PDE4D: variants seen among roughly 807,000 people sequenced by gnomAD.
PDE4D encodes the protein phosphodiesterase 4D, also known as 3',5'-cyclic-AMP phosphodiesterase 4D.
Under a neutral mutation model 87.4 loss-of-function variants are expected in PDE4D, and 24 were observed. The observed-to-expected ratio is 0.27, with a 90% CI of 0.20 to 0.39. The LOEUF (loss-of-function observed/expected upper bound fraction) is 0.39. Ranked by LOEUF, PDE4D falls within the 10% of genes least tolerant of loss-of-function variation. The pLI is 1.00. For missense variants in PDE4D, 714 were observed against 1,041.0 expected, an observed-to-expected ratio of 0.69 and a Z score of 4.32; for synonymous variants, 384 against 383.2, an observed-to-expected ratio of 1.00 and a Z score of -0.02.
intron 2 of PDE4D, among the ~76,000 whole-genome samples, chr5:60,061,737 T>C (rs551879847): frequency 6.6e-6 from 1 of 151,942 alleles, no homozygotes; most frequent in Non-Finnish European, 1.5e-5. Flanking sequence ...CAGACACATA[T>C]ACCAATGGAA....
chr5:59,508,004 CT>C (rs1246047047), intron 1 of PDE4D, among the ~76,000 whole-genome samples: 1 of 152,198 alleles, frequency 6.6e-6, no homozygotes, highest in Non-Finnish European at 1.5e-5. Flanking sequence ...TAAAATTATA[CT>C]GGATGATTGC....
At chr5:59,850,033 T>C (rs549436804) in intron 1 of PDE4D, among the ~76,000 whole-genome samples, 1 of 152,096 alleles carries the variant, frequency 6.6e-6, no homozygotes, top group Non-Finnish European at 1.5e-5. Context: ...ACTATATCCA[T>C]ACTAGAGATT....
At chr5:59,668,867 G>GAAGAAGAAA in intron 1 of PDE4D, among the ~76,000 whole-genome samples, 1 of 74,606 alleles carries the variant, frequency 1.3e-5, no homozygotes, top group Non-Finnish European at 2.5e-5. Flanking sequence ...AGAAGAAGAA[G>GAAGAAGAAA]AAGAAGAAGA....
At chr5:59,452,824 C>T (rs78444388) in intron 1 of PDE4D, among the ~76,000 whole-genome samples, 2,807 of 152,250 alleles carry the variant, frequency 0.018, 90 homozygotes, top group African/African-American at 0.065. Flanking sequence ...GATTTTCTTC[C>T]AGTCCAAACT....
At chr5:59,619,312 G>A (rs948367062) in intron 1 of PDE4D, among the ~76,000 whole-genome samples, 1 of 152,070 alleles carries the variant, frequency 6.6e-6, no homozygotes, top group Non-Finnish European at 1.5e-5. Flanking sequence ...AGTGAGTTTG[G>A]ACATCTTGTG....
chr5:59,199,894 A>T (rs1163007707), intron 2 of PDE4D, among the ~76,000 whole-genome samples: 1 of 151,932 alleles, frequency 6.6e-6, no homozygotes, highest in African/African-American at 2.4e-5. Context: ...ACACATGTAC[A>T]TATATACATA....
At chr5:59,931,493 A>G (rs1755912754) in intron 3 of PDE4D, among the ~76,000 whole-genome samples, 1 of 152,118 alleles carries the variant, frequency 6.6e-6, no homozygotes, top group African/African-American at 2.4e-5. Context: ...CCCTCCACAG[A>G]GTCCAAAGTT....
rs1746843411 is a variant in PDE4D at position 60,460,530 on chromosome 5, T to C, written c.-90+27412A>G. 5 of 1,460,232 alleles carry C rather than the reference T, an allele frequency of 3.4e-6. No individual in the cohort carries two copies. In the East Asian group the frequency reaches 9.1e-5, roughly 27 times the overall value. 90.5% of individuals were successfully genotyped at this position (1,460,232 alleles called of 1,614,324 possible). ...GTTGGCAGAGTTTGTCATATTTCTG[T>C]TCTACTTTCAAAATCTCCTCACTGG... On this transcript the variant is annotated intron_variant, in intron 1 of 16. Transcript: ENST00000502484.
At chr5:60,104,928 A>C (rs571738805) in intron 2 of PDE4D, among the ~76,000 whole-genome samples, 3 of 152,304 alleles carry the variant, frequency 2.0e-5, no homozygotes, top group African/African-American at 7.2e-5. Context: ...AGAGCAGAAA[A>C]ACTGGAAACT....
intron 2 of PDE4D, among the ~76,000 whole-genome samples, chr5:60,128,553 T>C (rs569465735): frequency 7.9e-5 from 12 of 152,270 alleles, no homozygotes; most frequent in Admixed American, 2.0e-4. Context: ...CACAGGTGCA[T>C]AGGAAGAAAC....
Position 59,275,624 on chromosome 5 carries a change from A to T in PDE4D, c.456-59656T>A, listed in dbSNP as rs368339093. ...TCCTTCATACTGAATTTACTCCAGT[A>T]CTAGGCTGTTAGGAAGTGACAGTTT... On this transcript the variant is annotated intron_variant, in intron 1 of 14. Transcript: ENST00000340635. The T allele has an allele frequency of 1.5e-4, 195 of 1,282,420 alleles. 1 individual carries two copies. In the African/African-American group the frequency reaches 2.6e-3, roughly 17 times the overall value. The allele number at this position is 1,282,420 out of a possible 1,614,324, so 79.4% of individuals were successfully genotyped here.
chr5:60,108,487 T>C (rs1777293816), intron 2 of PDE4D, among the ~76,000 whole-genome samples: 1 of 152,204 alleles, frequency 6.6e-6, no homozygotes, highest in African/African-American at 2.4e-5. Flanking sequence ...AATGACTTTC[T>C]TCACAGAATT....
chr5:60,384,702 A>T (rs1307394051), intron 1 of PDE4D, among the ~76,000 whole-genome samples: 2 of 151,682 alleles, frequency 1.3e-5, no homozygotes, highest in Non-Finnish European at 2.9e-5. Flanking sequence ...GGTTCTTCCT[A>T]CTCCCCATCC....
intron 2 of PDE4D, among the ~76,000 whole-genome samples, chr5:60,153,263 GTAGATA>G (rs947661764): frequency 5.3e-5 from 8 of 152,154 alleles, no homozygotes; most frequent in African/African-American, 1.7e-4. Context: ...TGGCTAACAT[GTAGATA>G]AAAAATGTTC....
chr5:59,459,210 AC>A (rs1336510572), intron 1 of PDE4D, among the ~76,000 whole-genome samples: 2 of 152,142 alleles, frequency 1.3e-5, no homozygotes, highest in Non-Finnish European at 2.9e-5. Flanking sequence ...AACCAGGTGA[AC>A]TTTTTCTCCT....
chr5:59,418,712 G>C (rs762246820), intron 1 of PDE4D, among the ~76,000 whole-genome samples: 1 of 152,036 alleles, frequency 6.6e-6, no homozygotes, highest in Admixed American at 6.6e-5. Context: ...GCAGTGGCAC[G>C]ATCTCAGCTC....
At chr5:59,286,513 A>C (rs982509241) in intron 1 of PDE4D, among the ~76,000 whole-genome samples, 1 of 152,230 alleles carries the variant, frequency 6.6e-6, no homozygotes, top group African/African-American at 2.4e-5. Context: ...AATTCTTTGA[A>C]AAGAATGGTA....
At chr5:58,999,871 T>C (rs1011110681) in intron 6 of PDE4D, 7 of 986,546 alleles carry the variant, frequency 7.1e-6, no homozygotes, top group Admixed American at 6.1e-5. Flanking sequence ...ATGAATAATG[T>C]ATGTCAAGAT....
At chr5:59,323,288 T>C (rs1775047980) in intron 1 of PDE4D, among the ~76,000 whole-genome samples, 1 of 152,132 alleles carries the variant, frequency 6.6e-6, no homozygotes, top group Admixed American at 6.6e-5. Flanking sequence ...TTCTTTAAGC[T>C]CTTTTATCTC....
Sources: allele counts gnomAD v4.1 joint callset (sites outside exome capture counted in the v4.1 genomes callset), GRCh38; gene constraint gnomAD v4.1.1; transcripts MANE v1.5; gene names NCBI Gene and HGNC (gene_info 2026-07-23, HGNC 2026-07-21).